ADAMTSL1: variants seen among roughly 807,000 people sequenced by gnomAD.
ADAMTSL1 encodes the protein ADAMTS-like protein 1.
A neutral mutation model predicts 201.8 loss-of-function variants in ADAMTSL1; 126 were observed. The ratio of observed to expected loss-of-function variants is 0.62; its 90% CI spans 0.54 to 0.72. The LOEUF (loss-of-function observed/expected upper bound fraction) is 0.72. ADAMTSL1 is among the 30% of genes least tolerant of loss of function. ADAMTSL1 has a pLI of 0.00. For missense variants in ADAMTSL1, 2,679 were observed against 2,277.8 expected (o/e 1.18, Z -3.59); for synonymous variants, 1,121 against 903.4 (o/e 1.24, Z -4.32).
At chr9:18,707,111 G>A in intron 14 of ADAMTSL1, 63 bp downstream of exon 14, 3 of 1,542,006 alleles carry the variant, frequency 1.9e-6, no homozygotes, top group South Asian at 2.5e-5. Context: ...CTCTCTGCAT[G>A]CAGCTGGATC....
intron 2 of ADAMTSL1, among the ~76,000 whole-genome samples, chr9:18,514,893 G>C (rs1230045768): frequency 6.6e-6 from 1 of 152,182 alleles, no homozygotes; most frequent in Non-Finnish European, 1.5e-5. Context: ...CATTGAGTGT[G>C]ATGTTAGCTG....
At chr9:18,702,322 T>C (rs981079377) in intron 13 of ADAMTSL1, among the ~76,000 whole-genome samples, 2 of 152,232 alleles carry the variant, frequency 1.3e-5, no homozygotes, top group Admixed American at 1.3e-4. Context: ...AGCTAATATC[T>C]GTGGTGACAC....
chr9:17,950,447 A>G (rs936685790), intron 1 of ADAMTSL1, among the ~76,000 whole-genome samples: 9 of 151,942 alleles, frequency 5.9e-5, no homozygotes, highest in African/African-American at 1.9e-4. Context: ...TCTACTGTGA[A>G]TTTCATGAGT....
chr9:18,271,570 T>C (rs1832369466), intron 2 of ADAMTSL1, among the ~76,000 whole-genome samples: 1 of 152,198 alleles, frequency 6.6e-6, no homozygotes, highest in Non-Finnish European at 1.5e-5. Flanking sequence ...TAATCCAGTC[T>C]AACATTGTTG....
intron 1 of ADAMTSL1, among the ~76,000 whole-genome samples, chr9:18,014,948 G>C (rs150275056): frequency 6.6e-6 from 1 of 152,074 alleles, no homozygotes; most frequent in African/African-American, 2.4e-5. Context: ...AAGAAAAGCC[G>C]TGTTAAAGTT....
rs138506598 is a variant in ADAMTSL1, at chr9:18,527,092, A to G, written c.192-6155A>G. Among the ~76,000 whole-genome samples, 9 of 152,308 alleles carry G rather than the reference A, an allele frequency of 5.9e-5. No individual in the cohort carries two copies. In the East Asian group the frequency reaches 1.5e-3, roughly 26 times the overall value. On this transcript the variant is annotated intron_variant, in intron 2 of 28. Transcript: ENST00000380548. Reference sequence around the variant, plus strand: ...AGCTATGATAGTGCCACTGCACTCCAGGCTGGGTAACAGAATGAGATGAGA... The same window carrying G: ...AGCTATGATAGTGCCACTGCACTCCGGGCTGGGTAACAGAATGAGATGAGA...
intron 2 of ADAMTSL1, among the ~76,000 whole-genome samples, chr9:18,278,562 G>A (rs1477181270): frequency 6.6e-6 from 1 of 152,056 alleles, no homozygotes; most frequent in Non-Finnish European, 1.5e-5. Flanking sequence ...TAGTTGCTTT[G>A]CTCTTGCTAC....
rs374839903 is a variant in ADAMTSL1, at chr9:18,840,892, C to T, written c.4249+10915C>T. 3.1e-4 allele frequency among the ~76,000 whole-genome samples: 46 copies of T among 148,250 alleles called. 1 individual carries two copies. The highest frequency in any genetic ancestry group is 1.7e-3 in the Admixed American group (25 of 14,646). On this transcript the variant is annotated intron_variant, in intron 23 of 28. Coordinates refer to ENST00000380548, the MANE Select transcript of ADAMTSL1 (RefSeq NM_001040272.6). ...GATTTTTGTACATTGATTTTGTATC[C>T]TGAGACTTTGCTGAAGTTGCTTATC...
At chr9:18,250,812 C>T (rs1831435917) in intron 2 of ADAMTSL1, among the ~76,000 whole-genome samples, 1 of 152,268 alleles carries the variant, frequency 6.6e-6, no homozygotes, top group South Asian at 2.1e-4. Context: ...GAATTCCTTG[C>T]AGATGGTAAG....
intron 1 of ADAMTSL1, among the ~76,000 whole-genome samples, chr9:18,159,288 A>T (rs1232519608): frequency 4.6e-5 from 7 of 152,034 alleles, no homozygotes; most frequent in African/African-American, 1.7e-4. Flanking sequence ...TACTCTTCCT[A>T]AGTAATGTTG....
At chr9:17,908,670 C>G (rs980409642) in intron 1 of ADAMTSL1, among the ~76,000 whole-genome samples, 1 of 152,158 alleles carries the variant, frequency 6.6e-6, no homozygotes, top group Non-Finnish European at 1.5e-5. Flanking sequence ...GCTGGCCAGG[C>G]TAGTCTCAAA....
At chr9:18,391,824 CTTT>C (rs11407945) in intron 2 of ADAMTSL1, among the ~76,000 whole-genome samples, 2 of 116,724 alleles carry the variant, frequency 1.7e-5, no homozygotes, top group Admixed American at 1.1e-4. Context: ...TCTTTTCTTT[CTTT>C]TTTTTTTTTT....
intron 17 of ADAMTSL1, among the ~76,000 whole-genome samples, chr9:18,773,679 G>T (rs1820822918): frequency 6.6e-6 from 1 of 152,200 alleles, no homozygotes; most frequent in Admixed American, 6.5e-5. Context: ...CCCTGCTCTA[G>T]CTTAGCTTCC....
chr9:18,001,053 C>A (rs573843140), intron 1 of ADAMTSL1, among the ~76,000 whole-genome samples: 1 of 152,040 alleles, frequency 6.6e-6, no homozygotes, highest in African/African-American at 2.4e-5. Flanking sequence ...AATGAAAATG[C>A]TATTGCCAGG....
intron 20 of ADAMTSL1, among the ~76,000 whole-genome samples, chr9:18,804,132 C>T (rs7034696): frequency 0.28 from 41,967 of 151,930 alleles, 5,976 homozygotes; most frequent in South Asian, 0.37. Context: ...ATCTCTTGCA[C>T]ATATAATAAT....
Position 18,861,295 on chromosome 9 carries a change from T to C in ADAMTSL1, c.4250-26536T>C, listed in dbSNP as rs142877430. ...AGAACTGATTCAATCAAGTTATCAATTCCCAGCAGAACAGCATGTGCTCTG... is the reference window on the plus strand; with the variant it reads ...AGAACTGATTCAATCAAGTTATCAACTCCCAGCAGAACAGCATGTGCTCTG... On this transcript the variant is annotated intron_variant, in intron 23 of 28. Coordinates refer to ENST00000380548, the MANE Select transcript of ADAMTSL1 (RefSeq NM_001040272.6). Among the ~76,000 whole-genome samples, 336 of 152,306 alleles carry C rather than the reference T, an allele frequency of 2.2e-3. 2 individuals are homozygous for C. Among genetic ancestry groups the C allele is most frequent in the African/African-American group, 7.8e-3 (323 of 41,570 alleles).
intron 2 of ADAMTSL1, among the ~76,000 whole-genome samples, chr9:18,366,625 T>C (rs2809864): frequency 0.57 from 77,120 of 134,622 alleles, 22,085 homozygotes; most frequent in East Asian, 0.61. Context: ...CTGAAATCAC[T>C]AATTTTTTTT....
At chr9:18,677,009 T>G (rs1239206369) in intron 10 of ADAMTSL1, among the ~76,000 whole-genome samples, 1 of 152,096 alleles carries the variant, frequency 6.6e-6, no homozygotes, top group African/African-American at 2.4e-5. Flanking sequence ...TATGCATTCA[T>G]ATATTCAATG....
intron 7 of ADAMTSL1, among the ~76,000 whole-genome samples, chr9:18,652,453 G>C (rs1490314006): frequency 6.6e-6 from 1 of 150,738 alleles, no homozygotes; most frequent in Non-Finnish European, 1.5e-5. Context: ...AATACAATTA[G>C]TCCTCTACTT....
Sources: allele counts gnomAD v4.1 joint callset (sites outside exome capture counted in the v4.1 genomes callset), GRCh38; gene constraint gnomAD v4.1.1; transcripts MANE v1.5; gene names NCBI Gene and HGNC (gene_info 2026-07-23, HGNC 2026-07-21).